RNF130: variants seen among roughly 807,000 people sequenced by gnomAD.
RNF130 encodes E3 ubiquitin-protein ligase RNF130.
A neutral mutation model predicts 44.6 loss-of-function variants in RNF130; 21 were observed. The observed-to-expected ratio is 0.47, with a 90% confidence interval of 0.33 to 0.68. RNF130 has a LOEUF of 0.68. Among genes scored for constraint, RNF130 ranks in the 30% least tolerant of loss-of-function variants. The pLI is 0.02. For synonymous variants in RNF130, 214 were observed against 210.4 expected (o/e 1.02, Z -0.15); for missense variants, 479 against 560.6 (o/e 0.85, Z 1.47).
chr5:180,033,633 T>C (rs1271619335), intron 2 of RNF130, among the ~76,000 whole-genome samples: 1 of 151,510 alleles, frequency 6.6e-6, no homozygotes, highest in Non-Finnish European at 1.5e-5. Flanking sequence ...GAGGCAGAGA[T>C]TGCAGTGAGC....
chr5:179,992,116 T>A, intron 3 of RNF130, among the ~76,000 whole-genome samples: 1 of 152,162 alleles, frequency 6.6e-6, no homozygotes, highest in Admixed American at 6.5e-5. Flanking sequence ...TAGATCATTG[T>A]TGGGAACTCC....
At chr5:179,920,897 G>A (rs111916049) in intron 7 of RNF130, among the ~76,000 whole-genome samples, 4 of 151,218 alleles carry the variant, frequency 2.6e-5, no homozygotes, top group East Asian at 1.9e-4. Flanking sequence ...TGATCCTTCC[G>A]AATTTTTTTC....
rs555189216 is a variant in RNF130 at position 180,000,261 on chromosome 5, G to GA, written c.693+12799dup. On this transcript the variant is annotated intron_variant, in intron 3 of 8. Coordinates refer to ENST00000521389, the MANE Select transcript of RNF130 (RefSeq NM_018434.6). ...TCTCCTAGGCTGTAAGATTTCTCTG[G>GA]AAAAATCTGTTTTTAGTCTAATAGG... Among the ~76,000 whole-genome samples, 270 of 152,220 alleles carry GA rather than the reference G, an allele frequency of 1.8e-3. 1 individual carries two copies. Among genetic ancestry groups the GA allele is most frequent in the Non-Finnish European group, 3.0e-3 (207 of 68,010 alleles).
Position 179,963,459 on chromosome 5 carries a change from T to C in RNF130, c.1244+12A>G, listed in dbSNP as rs1582144612. The C allele has an allele frequency of 6.2e-7, 1 of 1,605,714 alleles. No individual in the cohort carries two copies. The highest frequency in any genetic ancestry group is 8.5e-7 in the Non-Finnish European group (1 of 1,173,094). ...TCTGGCACATGCAATCCAAAAACAA[T>C]TTGTTACTTACTCATTAGCATTCAA... On this transcript the variant is annotated intron_variant, in intron 8 of 8. Coordinates refer to ENST00000521389, the MANE Select transcript of RNF130 (RefSeq NM_018434.6).
intron 1 of RNF130, among the ~76,000 whole-genome samples, chr5:180,063,144 A>T (rs1022041261): frequency 7.2e-5 from 11 of 152,194 alleles, no homozygotes; most frequent in Non-Finnish European, 1.3e-4. Context: ...GGTTTAAGCA[A>T]GCAGTAACAT....
At chr5:180,029,462 A>G (rs1764071088) in intron 2 of RNF130, among the ~76,000 whole-genome samples, 3 of 152,230 alleles carry the variant, frequency 2.0e-5, no homozygotes, top group Non-Finnish European at 4.4e-5. Flanking sequence ...AAAGTGCTCA[A>G]AGAAAAAGGA....
chr5:179,941,457 A>G (rs549071835), intron 7 of RNF130, among the ~76,000 whole-genome samples: 8 of 152,200 alleles, frequency 5.3e-5, no homozygotes, highest in African/African-American at 1.2e-4. Flanking sequence ...GGGGATCCCA[A>G]TGGAAGGCCT....
chr5:180,056,124 T>G (rs192096863), intron 1 of RNF130, among the ~76,000 whole-genome samples: 2 of 151,092 alleles, frequency 1.3e-5, no homozygotes, highest in Non-Finnish European at 3.0e-5. Flanking sequence ...AAACAAACCA[T>G]CACCACCAAT....
At chr5:179,989,366 T>C (rs952274274) in intron 3 of RNF130, among the ~76,000 whole-genome samples, 3 of 152,170 alleles carry the variant, frequency 2.0e-5, no homozygotes, top group African/African-American at 7.2e-5. Flanking sequence ...TCCCAACCAT[T>C]ATTGTATTGG....
chr5:180,034,257 T>C (rs989938749), intron 2 of RNF130, among the ~76,000 whole-genome samples: 2 of 152,236 alleles, frequency 1.3e-5, no homozygotes, highest in Non-Finnish European at 2.9e-5. Context: ...ATCCATTTTA[T>C]ATATTACTAG....
intron 7 of RNF130, among the ~76,000 whole-genome samples, chr5:179,928,100 G>A (rs1471432862): frequency 6.6e-6 from 1 of 152,134 alleles, no homozygotes; most frequent in Non-Finnish European, 1.5e-5. Context: ...TTACGGACAG[G>A]CATTTGCATT....
chr5:179,925,987 C>T (rs190289430), intron 7 of RNF130, among the ~76,000 whole-genome samples: 29 of 152,248 alleles, frequency 1.9e-4, no homozygotes, highest in Admixed American at 5.2e-4. Context: ...GCAGCAGAGG[C>T]GAGGCAGGGA....
chr5:180,052,454 G>T (rs1262874986), intron 1 of RNF130, among the ~76,000 whole-genome samples: 1 of 152,210 alleles, frequency 6.6e-6, no homozygotes, highest in Non-Finnish European at 1.5e-5. Context: ...GGGACACAAG[G>T]ACACCACCCT....
At chr5:180,025,837 T>C (rs1282326912) in intron 2 of RNF130, among the ~76,000 whole-genome samples, 1 of 152,218 alleles carries the variant, frequency 6.6e-6, no homozygotes, top group Non-Finnish European at 1.5e-5. Context: ...AGTATACTTA[T>C]ATTACTCATT....
At chr5:180,027,336 C>T (rs1370547005) in intron 2 of RNF130, among the ~76,000 whole-genome samples, 1 of 152,126 alleles carries the variant, frequency 6.6e-6, no homozygotes, top group Non-Finnish European at 1.5e-5. Flanking sequence ...CTGAGTAACA[C>T]ATTGATGAGC....
intron 2 of RNF130, among the ~76,000 whole-genome samples, chr5:180,029,962 C>T (rs569288081): frequency 6.6e-6 from 1 of 151,966 alleles, no homozygotes; most frequent in African/African-American, 2.4e-5. Context: ...ATTCTCCTGT[C>T]TCAGCCTCCC....
chr5:179,932,938 C>T (rs982659465), intron 7 of RNF130, among the ~76,000 whole-genome samples: 1 of 152,174 alleles, frequency 6.6e-6, no homozygotes, highest in African/African-American at 2.4e-5. Context: ...ATCAAATTAA[C>T]AGGTTTCTGC....
intron 7 of RNF130, among the ~76,000 whole-genome samples, chr5:179,938,287 A>C (rs1181562970): frequency 5.9e-5 from 9 of 152,086 alleles, no homozygotes; most frequent in Non-Finnish European, 4.4e-5. Context: ...ACATTATGGT[A>C]AGTGAAAGAG....
At chr5:180,031,185 C>T (rs773634864) in intron 2 of RNF130, among the ~76,000 whole-genome samples, 1 of 152,100 alleles carries the variant, frequency 6.6e-6, no homozygotes, top group East Asian at 1.9e-4. Context: ...CAACAGCAAG[C>T]TATTAGTAAT....
Sources: gnomAD v4.1 joint callset for allele counts (sites outside exome capture counted in the v4.1 genomes callset) on GRCh38, gnomAD v4.1.1 for gene constraint, MANE v1.5 for transcripts, NCBI Gene and HGNC (gene_info 2026-07-23, HGNC 2026-07-21) for gene names.